The following RFX3 variants were observed in gnomAD, a reference collection of about 807,000 sequenced individuals.
RFX3 encodes the protein regulatory factor X3.
In RFX3, 14 loss-of-function variants were observed where a neutral mutation model predicts 98.6. The ratio of observed to expected loss-of-function variants is 0.14; its 90% confidence interval spans 0.09 to 0.22. The LOEUF (loss-of-function observed/expected upper bound fraction) is 0.22, where lower values mean the gene tolerates loss of function less well. RFX3 is among the 10% of genes least tolerant of loss of function. The pLI is 1.00. For synonymous variants in RFX3, 383 were observed against 328.4 expected, an observed-to-expected ratio of 1.17 and a Z score of -1.80; for missense variants, 639 against 926.9, an observed-to-expected ratio of 0.69 and a Z score of 4.03.
intron 2 of RFX3, among the ~76,000 whole-genome samples, chr9:3,386,026 A>G (rs927982718): frequency 6.6e-6 from 1 of 152,186 alleles, no homozygotes; most frequent in African/African-American, 2.4e-5. Flanking sequence ...AGACACCACC[A>G]CCACCTCTGC....
chr9:3,427,892 C>T (rs544578745), intron 1 of RFX3, among the ~76,000 whole-genome samples: 4 of 152,144 alleles, frequency 2.6e-5, no homozygotes, highest in African/African-American at 4.8e-5. Flanking sequence ...TCTGGTGCCC[C>T]GCTCCAGATT....
Position 3,270,305 on chromosome 9 carries a change from T to C in RFX3, c.1357+66A>G, listed in dbSNP as rs935227557. 2.7e-6 allele frequency: 4 copies of C among 1,477,284 alleles called. No homozygotes were observed. The African/African-American group carries it at 5.6e-5, about 21-fold the overall frequency. The allele number at this position is 1,477,284 out of a possible 1,614,324, so 91.5% of individuals were successfully genotyped here. A position where few individuals can be genotyped will look rare whatever the true frequency, so the allele number is the denominator to read the frequency against. On this transcript the variant is annotated intron_variant, in intron 11 of 16. Transcript: ENST00000617270. ...AATCATTCTAGATTGCAATGTCACT[T>C]CTCAAAACTTCCTGGGTGGAATGTA... is the stretch of plus-strand genomic sequence containing the variant.
At chr9:3,436,534 A>G (rs1845141404) in intron 1 of RFX3, among the ~76,000 whole-genome samples, 1 of 152,136 alleles carries the variant, frequency 6.6e-6, no homozygotes, top group Admixed American at 6.6e-5. Context: ...CTTAAAATGA[A>G]TAAATACTTC....
chr9:3,377,956 T>G (rs1231069901), intron 2 of RFX3, among the ~76,000 whole-genome samples: 2 of 152,172 alleles, frequency 1.3e-5, no homozygotes, highest in African/African-American at 2.4e-5. Context: ...TATATACATG[T>G]TCTAGTGTAT....
chr9:3,423,255 T>C (rs954898571), intron 1 of RFX3, among the ~76,000 whole-genome samples: 14 of 152,166 alleles, frequency 9.2e-5, no homozygotes, highest in African/African-American at 3.1e-4. Context: ...GTCAAACATA[T>C]AGTAACCATA....
chr9:3,270,471 G>A lies in RFX3; in HGVS notation c.1257C>T (p.Cys419=), dbSNP rs1359414840. 5.6e-6 allele frequency: 9 copies of A among 1,613,516 alleles called. No homozygotes were observed. The highest frequency in any genetic ancestry group is 2.7e-5 in the African/African-American group (2 of 74,916). ...RLPKAKLITL[C]KHESILKWMC... ...TCCATTTCAGGATAGACTCATGTTT[G>A]CACAGAGTTATCAGCTTTGCTTTCG... is the stretch of plus-strand genomic sequence containing the variant. The change falls in exon 11 of 17, where the codon TGC becomes TGT. Residue 419 remains cysteine, a synonymous_variant. Transcript: ENST00000617270.
At chr9:3,365,634 C>A (rs1356840267) in intron 2 of RFX3, among the ~76,000 whole-genome samples, 1 of 152,144 alleles carries the variant, frequency 6.6e-6, no homozygotes, top group Non-Finnish European at 1.5e-5. Context: ...TTTAGGAGAA[C>A]TGCATTTTAC....
In RFX3 at chr9:3,252,340, A is replaced by G. The variant is rs540842851; in HGVS notation, c.1815-4155T>C. 4.6e-5 allele frequency among the ~76,000 whole-genome samples: 7 copies of G among 152,322 alleles called. 1 individual carries two copies. In the South Asian group the frequency reaches 8.3e-4, roughly 18 times the overall value. ...CTGTTAGGTGAGACAGTTGGTAAAT[A>G]CACAAGTAGATAAAAAAATATAAAG... On this transcript the variant is annotated intron_variant, in intron 14 of 16. Transcript: ENST00000617270.
intron 1 of RFX3, among the ~76,000 whole-genome samples, chr9:3,414,945 CAT>C (rs1323914682): frequency 6.8e-4 from 90 of 132,712 alleles, no homozygotes; most frequent in African/African-American, 1.6e-3. Flanking sequence ...TATATATACA[CAT>C]ATATGTGTGT....
intron 1 of RFX3, among the ~76,000 whole-genome samples, chr9:3,423,811 A>ATCTC (rs1554704387): frequency 7.6e-6 from 1 of 132,388 alleles, no homozygotes; most frequent in Non-Finnish European, 1.6e-5. Context: ...ATATATATAT[A>ATCTC]TCTTAAGGTA....
chr9:3,257,929 C>T (rs779776787), intron 13 of RFX3, among the ~76,000 whole-genome samples: 4 of 152,118 alleles, frequency 2.6e-5, no homozygotes, highest in East Asian at 1.9e-4. Context: ...TGTTTGGTAA[C>T]AGCAATGAAA....
intron 16 of RFX3, among the ~76,000 whole-genome samples, chr9:3,227,344 G>A (rs1303429430): frequency 1.3e-5 from 2 of 152,178 alleles, no homozygotes; most frequent in Admixed American, 1.3e-4. Flanking sequence ...CTATCTCTGG[G>A]TGACAGGTTT....
intron 1 of RFX3, among the ~76,000 whole-genome samples, chr9:3,458,289 T>C (rs947841857): frequency 6.6e-6 from 1 of 152,204 alleles, no homozygotes; most frequent in African/African-American, 2.4e-5. Flanking sequence ...ATGCAGCAGT[T>C]AGGAGTAGCA....
At chr9:3,294,147 CATTT>C (rs1827722499) in intron 5 of RFX3, among the ~76,000 whole-genome samples, 1 of 152,076 alleles carries the variant, frequency 6.6e-6, no homozygotes, top group South Asian at 2.1e-4. Context: ...ATCTTTTGTT[CATTT>C]ATTTATTTAT....
intron 1 of RFX3, among the ~76,000 whole-genome samples, chr9:3,521,500 C>T (rs1177842628): frequency 6.6e-6 from 1 of 152,054 alleles, no homozygotes; most frequent in African/African-American, 2.4e-5. Context: ...ATGTTGCAAA[C>T]AGCACAGCAC....
chr9:3,425,522 C>T (rs1404128177), intron 1 of RFX3, among the ~76,000 whole-genome samples: 1 of 152,096 alleles, frequency 6.6e-6, no homozygotes, highest in African/African-American at 2.4e-5. Context: ...CATATCGTTC[C>T]CCATGTGAAA....
chr9:3,385,705 GA>G (rs1839643943), intron 2 of RFX3, among the ~76,000 whole-genome samples: 1 of 87,686 alleles, frequency 1.1e-5, no homozygotes, highest in Non-Finnish European at 2.3e-5. Context: ...AAAAAAAAAA[GA>G]AAAGAAAAGA....
intron 2 of RFX3, chr9:3,394,779 T>C: frequency 1.0e-6 from 1 of 954,690 alleles, no homozygotes; most frequent in South Asian, 4.8e-5. Flanking sequence ...TCACTTATGT[T>C]CTCACCACTC....
At chr9:3,376,889 A>T (rs1403367205) in intron 2 of RFX3, among the ~76,000 whole-genome samples, 1 of 152,214 alleles carries the variant, frequency 6.6e-6, no homozygotes, top group Non-Finnish European at 1.5e-5. Flanking sequence ...CAAAACCACT[A>T]TGAGATACCA....
Sources: gnomAD v4.1 joint callset for allele counts (sites outside exome capture counted in the v4.1 genomes callset) on GRCh38, gnomAD v4.1.1 for gene constraint, MANE v1.5 for transcripts, NCBI Gene and HGNC (gene_info 2026-07-23, HGNC 2026-07-21) for gene names.